Variants in DOCK2 observed in about 807,000 individuals in gnomAD.
DOCK2 encodes the protein dedicator of cytokinesis 2.
In DOCK2, 87 loss-of-function variants were observed where a neutral mutation model predicts 248.9. The ratio of observed to expected loss-of-function variants is 0.35; its 90% CI spans 0.29 to 0.42. The LOEUF (loss-of-function observed/expected upper bound fraction) is 0.42, where lower values mean the gene tolerates loss of function less well. DOCK2 is among the 10% of genes least tolerant of loss of function. The pLI, the probability that DOCK2 is intolerant of heterozygous loss-of-function variation, is 1.00. For missense variants in DOCK2, 1,747 were observed against 2,300.2 expected, an observed-to-expected ratio of 0.76 and a Z score of 4.92; for synonymous variants, 805 against 821.6, an observed-to-expected ratio of 0.98 and a Z score of 0.35.
At chr5:169,934,222 A>G (rs1775884486) in intron 27 of DOCK2, among the ~76,000 whole-genome samples, 1 of 152,182 alleles carries the variant, frequency 6.6e-6, no homozygotes, top group South Asian at 2.1e-4. Context: ...ACGTAATAAC[A>G]GTGGACTTGG....
At chr5:169,637,544 C>T (rs264868) in intron 1 of DOCK2, among the ~76,000 whole-genome samples, 175 bp downstream of exon 1, 93,592 of 151,942 alleles carry the variant, frequency 0.62, 28,944 homozygotes, top group East Asian at 0.68. Context: ...GGGGAGAGGA[C>T]GGCGGGACCC....
At chr5:169,678,609 C>T (rs930540827) in intron 6 of DOCK2, among the ~76,000 whole-genome samples, 1 of 152,146 alleles carries the variant, frequency 6.6e-6, no homozygotes, top group East Asian at 1.9e-4. Context: ...TCCTCGGTTA[C>T]ACTTTCTACT....
chr5:169,777,700 A>G (rs532077068), intron 25 of DOCK2, among the ~76,000 whole-genome samples: 3 of 152,330 alleles, frequency 2.0e-5, no homozygotes, highest in African/African-American at 7.2e-5. Context: ...AAAACAATAT[A>G]GACGGTTGAC....
Position 169,985,934 on chromosome 5 carries a change from C to T in DOCK2, c.2993+12C>T. The T allele has an allele frequency of 1.2e-6, 2 of 1,600,328 alleles. No individual in the cohort carries two copies. Among genetic ancestry groups the T allele is most frequent in the Non-Finnish European group, 1.7e-6 (2 of 1,171,914 alleles). On this transcript the variant is annotated intron_variant, in intron 29 of 51. Transcript: ENST00000520908. ...ATGGTTCAAAACAGGTGAGCTGCTA[C>T]CTGCTTCCGCAAAGCTACCTTACCC...
chr5:169,859,141 C>T (rs1187966477), intron 27 of DOCK2, among the ~76,000 whole-genome samples: 4 of 152,142 alleles, frequency 2.6e-5, no homozygotes, highest in Non-Finnish European at 5.9e-5. Context: ...TGGAGAGGCA[C>T]GCTGACCTGA....
At chr5:170,010,829 A>G (rs1755258349) in intron 32 of DOCK2, among the ~76,000 whole-genome samples, 1 of 152,244 alleles carries the variant, frequency 6.6e-6, no homozygotes, top group South Asian at 2.1e-4. Context: ...ATTGCAAAAC[A>G]GGGATCTGTG....
chr5:169,637,944 G>T (rs868820119), intron 1 of DOCK2, among the ~76,000 whole-genome samples: 11 of 152,096 alleles, frequency 7.2e-5, no homozygotes, highest in African/African-American at 2.7e-4. Context: ...AAAGGCTCCC[G>T]CCAGGTGGTC....
At chr5:170,072,536 C>T (rs539284734) in intron 46 of DOCK2, among the ~76,000 whole-genome samples, 1 of 152,314 alleles carries the variant, frequency 6.6e-6, no homozygotes, top group East Asian at 1.9e-4. Context: ...ACCCAGTTCC[C>T]TCAGTATACA....
At chr5:169,689,880 G>A (rs1288150068) in intron 9 of DOCK2, among the ~76,000 whole-genome samples, 1 of 152,186 alleles carries the variant, frequency 6.6e-6, no homozygotes, top group Non-Finnish European at 1.5e-5. Context: ...AGCAAGACAT[G>A]TACGTAGAAA....
intron 27 of DOCK2, among the ~76,000 whole-genome samples, chr5:169,940,385 T>C (rs561612249): frequency 1.3e-5 from 2 of 152,324 alleles, no homozygotes; most frequent in Admixed American, 1.3e-4. Context: ...TCTCCAACCT[T>C]TTTGGCACCA....
At chr5:169,879,427 T>C (rs1772511475) in intron 27 of DOCK2, among the ~76,000 whole-genome samples, 1 of 152,230 alleles carries the variant, frequency 6.6e-6, no homozygotes, top group Non-Finnish European at 1.5e-5. Context: ...TTCAGATCTC[T>C]GCTTTCATCA....
At chr5:169,756,007 C>T (rs1764177323) in intron 23 of DOCK2, among the ~76,000 whole-genome samples, 1 of 152,182 alleles carries the variant, frequency 6.6e-6, no homozygotes, top group Non-Finnish European at 1.5e-5. Context: ...CAGAGATGGG[C>T]TGTCCCCATT....
At chr5:169,864,511 T>A in intron 27 of DOCK2, 2 of 1,350,306 alleles carry the variant, frequency 1.5e-6, no homozygotes, top group Non-Finnish European at 2.0e-6. Flanking sequence ...CAGCACAGAC[T>A]GATTAAGCAT....
In DOCK2 at chr5:169,892,002, A is replaced by G. The variant is rs1044554963; in HGVS notation, c.2799+51150A>G. Among the ~76,000 whole-genome samples, 36 of 151,286 alleles carry G rather than the reference A, an allele frequency of 2.4e-4. No individual in the cohort carries two copies. The South Asian group carries it at 4.6e-3, about 19-fold the overall frequency. ...CAGTGCGAGATTCCGTCCCAAAAAA[A>G]AAAAAAAAAAGAAAAAGAAAAAAGA... On this transcript the variant is annotated intron_variant, in intron 27 of 51. Coordinates refer to ENST00000520908, the MANE Select transcript of DOCK2 (RefSeq NM_004946.3).
At position 169,803,182 on chromosome 5, in the gene DOCK2, G is replaced by A. The variant is rs1455499029; in HGVS notation, c.2679G>A (p.Leu893=). Residue 893 remains leucine, a synonymous_variant, in exon 26 of 52, where the codon TTG becomes TTA. Transcript: ENST00000520908. ...KYCVELLNSI[L]EVLSYQDAAF... is the part of the protein sequence containing the mutation. The stretch of plus-strand genomic sequence containing the variant: ...GCGTTGAATTGCTCAACAGCATCTT[G>A]GAAGTCCTTAGCTACCAGGATGCGG... The A allele has an allele frequency of 6.2e-7, 1 of 1,613,712 alleles. No homozygotes were observed. Among genetic ancestry groups the A allele is most frequent in the African/African-American group, 1.3e-5 (1 of 74,910 alleles).
intron 27 of DOCK2, among the ~76,000 whole-genome samples, chr5:169,909,772 T>C (rs962046702): frequency 6.6e-6 from 1 of 152,220 alleles, no homozygotes; most frequent in Non-Finnish European, 1.5e-5. Flanking sequence ...CAATCCAAGA[T>C]GATCACTTAC....
rs577939630 is a variant in DOCK2 at position 169,794,627 on chromosome 5, A to T, written c.2555-8431A>T. On this transcript the variant is annotated intron_variant, in intron 25 of 51. Transcript: ENST00000520908. ...GATACAAACATATTCACATCCTGTT[A>T]AAAGTTATTTACTTTAGCTGGGCAC... is the stretch of plus-strand genomic sequence containing the variant. 1.5e-3 allele frequency among the ~76,000 whole-genome samples: 229 copies of T among 152,308 alleles called. 3 individuals carry two copies. The highest frequency in any genetic ancestry group is 6.8e-3 in the South Asian group (33 of 4,828).
chr5:169,654,602 G>A lies in DOCK2; in HGVS notation c.127+116G>A, dbSNP rs4867873. The A allele has an allele frequency of 7.5e-5, 76 of 1,012,956 alleles. No homozygotes were observed. In the African/African-American group the frequency reaches 1.2e-3, roughly 16 times the overall value. 62.7% of individuals were successfully genotyped at this position (1,012,956 alleles called of 1,614,324 possible). On this transcript the variant is annotated intron_variant, in intron 2 of 51. Coordinates refer to ENST00000520908, the MANE Select transcript of DOCK2 (RefSeq NM_004946.3). The stretch of plus-strand genomic sequence containing the variant: ...GCAACTGTGTGGTCTATTTAAAAAC[G>A]TTTTGGTAACGCTAGTAATTAGAAT...
At chr5:169,913,207 G>A (rs961953649) in intron 27 of DOCK2, among the ~76,000 whole-genome samples, 2 of 152,184 alleles carry the variant, frequency 1.3e-5, no homozygotes, top group African/African-American at 4.8e-5. Context: ...TGCTATTGAA[G>A]TTTATAGAGC....
Sources: allele counts gnomAD v4.1 joint callset (sites outside exome capture counted in the v4.1 genomes callset), GRCh38; gene constraint gnomAD v4.1.1; transcripts MANE v1.5; gene names NCBI Gene and HGNC (gene_info 2026-07-23, HGNC 2026-07-21).